The following ZNF512B variants were observed in gnomAD, a reference collection of about 807,000 sequenced individuals.
ZNF512B encodes the protein zinc finger protein 512B.
ZNF512B carries 22 observed loss-of-function variants against 87.8 expected under a neutral mutation model. That is an observed-to-expected ratio of 0.25 (90% CI 0.18 to 0.36). The LOEUF is 0.36. Among genes scored for constraint, ZNF512B ranks in the 10% least tolerant of loss-of-function variants. The pLI is 1.00. For missense variants in ZNF512B, 1,060 were observed against 1,231.6 expected, an observed-to-expected ratio of 0.86 and a Z score of 2.09; for synonymous variants, 524 against 490.9, an observed-to-expected ratio of 1.07 and a Z score of -0.89.
chr20:63,967,129 G>A (rs2058936914), intron 3 of ZNF512B, 125 bp from the exon 4 acceptor site: 2 of 1,439,780 alleles, frequency 1.4e-6, no homozygotes, highest in South Asian at 1.3e-5. Flanking sequence ...CTCAACCTCG[G>A]GACTGCAGTG....
intron 12 of ZNF512B, 86 bp from the exon 13 acceptor site, chr20:63,962,867 T>TGGACCCACA (rs1316839278): frequency 1.4e-6 from 2 of 1,387,204 alleles, no homozygotes; most frequent in African/African-American, 2.9e-5. Flanking sequence ...CTAAGGCCGG[T>TGGACCCACA]GGACCCACAG....
intron 2 of ZNF512B, 125 bp downstream of exon 2, chr20:63,967,705 A>C: frequency 4.7e-6 from 7 of 1,498,446 alleles, no homozygotes; most frequent in Non-Finnish European, 6.3e-6. Context: ...TACCCTGGTA[A>C]GGTCCTTGGG....
rs1011484410 is a variant in ZNF512B, at chr20:63,966,406, G to C, written c.769C>G (p.Pro257Ala). ...GGCACAGACTTGGTGACTGTGATGG[G>C]TTTGGTGACCGGCATGGCCTTGGTG... ...PVTKAMPVTKPITVTKSVPVT... is the reference protein window; with the variant it reads ...PVTKAMPVTKAITVTKSVPVT... Residue 257 changes from proline (P) to alanine (A), a missense_variant, in exon 5 of 17, where the codon CCC becomes GCC. This residue lies in a region of ZNF512B where 201 missense variants were observed against 226.8 expected (regional missense o/e 0.89). Coordinates refer to ENST00000369888, the MANE Select transcript of ZNF512B (RefSeq NM_020713.3). 1 of 1,614,014 alleles carries C rather than the reference G, an allele frequency of 6.2e-7. No homozygotes were observed. Among genetic ancestry groups the C allele is most frequent in the South Asian group, 1.1e-5 (1 of 91,066 alleles).
rs1417787558 is a variant in ZNF512B at position 63,957,707 on chromosome 20, C to G, written c.*2181G>C. On this transcript the variant is annotated 3_prime_UTR_variant, in exon 17 of 17. Transcript: ENST00000369888. ...GACCCTCTTCTCTTCTCCCCAAGGG[C>G]CAAGTACCTGAGAGGCTGGGGCAGG... is the stretch of plus-strand genomic sequence containing the variant. 6.6e-6 allele frequency: 1 copy of G among 152,634 alleles called. No individual in the cohort carries two copies. The highest frequency in any genetic ancestry group is 2.4e-5 in the African/African-American group (1 of 41,446). The allele number at this position is 152,634 out of a possible 1,614,324, so 9.5% of individuals were successfully genotyped here.
At position 63,968,920 on chromosome 20, in the gene ZNF512B, G is replaced by A. The variant is rs547147091; in HGVS notation, c.-3+894C>T. Among the ~76,000 whole-genome samples, 68 of 152,376 alleles carry A rather than the reference G, an allele frequency of 4.5e-4. No individual in the cohort carries two copies. In the South Asian group the frequency reaches 5.8e-3, roughly 13 times the overall value. ...GGGCCCAGCCCTGTGGAAAAGCCAC[G>A]GAAGGGGGTGGGACAGGAAGCAGGG... On this transcript the variant is annotated intron_variant, in intron 1 of 16. Transcript: ENST00000369888.
intron 7 of ZNF512B, 38 bp from the exon 8 acceptor site, chr20:63,964,255 G>A (rs752818426): frequency 1.2e-6 from 2 of 1,612,218 alleles, no homozygotes; most frequent in Admixed American, 3.4e-5. Flanking sequence ...ACAGGGATGG[G>A]CTCAGGGGCT....
rs1330847231 is a variant in ZNF512B at position 63,959,885 on chromosome 20, T to C, written c.*3A>G. ...CATGGGGGCCAGGCCCCACGCACCA[T>C]GCTCACTTTTCAGGCGCCTTGCTGA... On this transcript the variant is annotated 3_prime_UTR_variant, in exon 17 of 17. Transcript: ENST00000369888. 2.5e-6 allele frequency: 4 copies of C among 1,575,696 alleles called. No individual in the cohort carries two copies. The highest frequency in any genetic ancestry group is 2.2e-5 in the East Asian group (1 of 44,622).
rs527932099 is a variant in ZNF512B, at chr20:63,963,145, G to T, written c.1918C>A (p.Arg640=). The change falls in exon 12 of 17, where the codon CGA becomes AGA. Residue 640 remains arginine, a synonymous_variant. Coordinates refer to ENST00000369888, the MANE Select transcript of ZNF512B (RefSeq NM_020713.3). ...FPCTHCGKTY[R]SKAGHDYHVR... Reference sequence around the variant, plus strand: ...TGGTAGTCGTGGCCAGCCTTGGATCGGTACGTCTTGCCACAGTGGGTGCAG... The same window carrying T: ...TGGTAGTCGTGGCCAGCCTTGGATCTGTACGTCTTGCCACAGTGGGTGCAG... 2.6e-5 allele frequency: 40 copies of T among 1,553,000 alleles called. No homozygotes were observed. In the South Asian group the frequency reaches 3.8e-4, roughly 15 times the overall value.
intron 1 of ZNF512B, chr20:63,969,227 C>T: frequency 1.0e-6 from 1 of 973,662 alleles, no homozygotes; most frequent in Non-Finnish European, 1.2e-6. Context: ...GCCCCACTTC[C>T]AATTTTTCTG....
chr20:63,960,898 A>T (rs1276480301), intron 16 of ZNF512B, among the ~76,000 whole-genome samples: 1 of 146,058 alleles, frequency 6.8e-6, no homozygotes, highest in African/African-American at 2.6e-5. Flanking sequence ...AGGGGGCTGG[A>T]CACAGCCTTC....
chr20:63,962,069 CCCTA>C, intron 14 of ZNF512B, 65 bp from the exon 15 acceptor site: 1 of 1,500,966 alleles, frequency 6.7e-7, no homozygotes, highest in Non-Finnish European at 9.1e-7. Context: ...TATACCCCTG[CCCTA>C]CCCCAGGGGA....
At chr20:63,962,949 C>T (rs2146887439) in intron 12 of ZNF512B, 146 bp downstream of exon 12, 1 of 1,283,404 alleles carries the variant, frequency 7.8e-7, no homozygotes, top group South Asian at 1.5e-5. Context: ...CCCTCCCGCC[C>T]ACCAGGACAC....
At position 63,966,369 on chromosome 20, in the gene ZNF512B, G is replaced by A. The variant is rs752813035; in HGVS notation, c.806C>T (p.Pro269Leu). 5.7e-6 allele frequency: 9 copies of A among 1,589,504 alleles called. No homozygotes were observed. Among genetic ancestry groups the A allele is most frequent in the Non-Finnish European group, 7.7e-6 (9 of 1,162,440 alleles). The part of the protein sequence containing the change: ...TVTKSVPVTK[P>L]VPVTKPITVT... ...CGTAATGGGTTTGGTGACAGGTACGGGTTTGGTGACCGGCACAGACTTGGT... is the reference window on the plus strand; with the variant it reads ...CGTAATGGGTTTGGTGACAGGTACGAGTTTGGTGACCGGCACAGACTTGGT... The change falls in exon 5 of 17, where the codon CCC (proline) becomes CTC (leucine). Residue 269 changes from proline to leucine, a missense_variant. Transcript: ENST00000369888.
Position 63,963,388 on chromosome 20 carries a change from A to T in ZNF512B, c.1751T>A (p.Leu584Gln). Residue 584 changes from leucine to glutamine, a missense_variant, in exon 11 of 17, where the codon CTG (leucine) becomes CAG (glutamine). Leu to Gln is a moderately radical substitution (Grantham distance 113). Transcript: ENST00000369888. The part of the protein sequence containing the change: ...EGGEQEERER[L>Q]RKVLKQMGRL... The stretch of plus-strand genomic sequence containing the variant: ...TCCCATCTGCTTCAGCACCTTGCGC[A>T]GCCTCTCGCGCTCCTCCTGCTCGCC... 1 of 1,549,788 alleles carries T rather than the reference A, an allele frequency of 6.5e-7. No homozygotes were observed. The highest frequency in any genetic ancestry group is 8.7e-7 in the Non-Finnish European group (1 of 1,152,738).
chr20:63,956,717 A>C lies in ZNF512B; in HGVS notation c.*3171T>G. On this transcript the variant is annotated 3_prime_UTR_variant, in exon 17 of 17. Transcript: ENST00000369888. The stretch of plus-strand genomic sequence containing the variant: ...GCACAAAAACCCTGGAAAAAAATCA[A>C]TAAACATTTATTTGATACAGTCATT... 5.2e-6 allele frequency: 1 copy of C among 191,394 alleles called. No individual in the cohort carries two copies. The highest frequency in any genetic ancestry group is 1.1e-5 in the Non-Finnish European group (1 of 93,730). 11.9% of individuals were successfully genotyped at this position (191,394 alleles called of 1,614,324 possible).
Position 63,963,411 on chromosome 20 carries a change from G to A in ZNF512B, c.1728C>T (p.Gly576=), listed in dbSNP as rs765552673. 4.3e-5 allele frequency: 67 copies of A among 1,548,556 alleles called. No homozygotes were observed. The highest frequency in any genetic ancestry group is 1.2e-4 in the East Asian group (5 of 41,564). ...KPSDAEASEG[G]EQEERERLRK... Reference sequence around the variant, plus strand: ...GCAGCCTCTCGCGCTCCTCCTGCTCGCCCCCTTCGGAGGCCTCGGCGTCAG... The same window carrying A: ...GCAGCCTCTCGCGCTCCTCCTGCTCACCCCCTTCGGAGGCCTCGGCGTCAG... Residue 576 remains glycine, a synonymous_variant, in exon 11 of 17, where the codon GGC becomes GGT. Transcript: ENST00000369888.
rs1458854520 is a variant in ZNF512B, at chr20:63,963,749, A to G, written c.1606-39T>C. The G allele has an allele frequency of 2.5e-6, 4 of 1,612,954 alleles. No homozygotes were observed. The African/African-American group carries it at 4.0e-5, about 16-fold the overall frequency. The stretch of plus-strand genomic sequence containing the variant: ...ACATGTGAGAAGCCTGCCTGGGGCC[A>G]GGGCGCCTCCCTCCCAGCGCCTTCC... On this transcript the variant is annotated intron_variant, in intron 9 of 16. Coordinates refer to ENST00000369888, the MANE Select transcript of ZNF512B (RefSeq NM_020713.3).
At position 63,958,752 on chromosome 20, in the gene ZNF512B, G is replaced by C. The variant is rs2058820860; in HGVS notation, c.*1136C>G. ...GCTCTGGAGCTGCCATCAACCTGCT[G>C]TGACTTTGGCCAAGCCCCTCCCCTG... On this transcript the variant is annotated 3_prime_UTR_variant, in exon 17 of 17. Transcript: ENST00000369888. 6.6e-6 allele frequency: 1 copy of C among 152,360 alleles called. No individual in the cohort carries two copies. Among genetic ancestry groups the C allele is most frequent in the Non-Finnish European group, 1.5e-5 (1 of 68,130 alleles). The allele number at this position is 152,360 out of a possible 1,614,324, so 9.4% of individuals were successfully genotyped here.
rs544010449 is a variant in ZNF512B at position 63,964,884 on chromosome 20, T to C, written c.1035-168A>G. ...CATACCTTTTCTTACCACTGTTCCC[T>C]GACCTGGGACGAGCCCCCATACCTT... On this transcript the variant is annotated intron_variant, in intron 5 of 16. Coordinates refer to ENST00000369888, the MANE Select transcript of ZNF512B (RefSeq NM_020713.3). Among the ~76,000 whole-genome samples the C allele has an allele frequency of 9.5e-3, 330 of 34,600 alleles. 22 individuals carry two copies. The highest frequency in any genetic ancestry group is 0.036 in the African/African-American group (193 of 5,394). The allele number at this position is 34,600 out of a possible 152,430, so 22.7% of individuals were successfully genotyped here. A position where few individuals can be genotyped will look rare whatever the true frequency, so the allele number is the denominator to read the frequency against.
Sources: allele counts gnomAD v4.1 joint callset (sites outside exome capture counted in the v4.1 genomes callset), GRCh38; gene constraint gnomAD v4.1.1; regional missense constraint gnomAD v4.1.1; transcripts MANE v1.5; gene names NCBI Gene and HGNC (gene_info 2026-07-23, HGNC 2026-07-21).